BCL9: variants seen among roughly 807,000 people sequenced by gnomAD.
BCL9 encodes the protein B-cell CLL/lymphoma 9 protein.
BCL9 carries 25 observed loss-of-function variants against 88.5 expected under a neutral mutation model. The observed-to-expected ratio is 0.28, with a 90% CI of 0.21 to 0.39. The LOEUF is 0.39. Among genes scored for constraint, BCL9 ranks in the 10% least tolerant of loss-of-function variants. The pLI is 1.00. For missense variants in BCL9, 1,817 were observed against 1,877.8 expected, an observed-to-expected ratio of 0.97 and a Z score of 0.60; for synonymous variants, 711 against 673.3, an observed-to-expected ratio of 1.06 and a Z score of -0.87.
chr1:147,575,180 T>C (rs587758220), intron 1 of BCL9, among the ~76,000 whole-genome samples: 1 of 152,314 alleles, frequency 6.6e-6, no homozygotes, highest in African/African-American at 2.4e-5. Flanking sequence ...GTTTTACAAA[T>C]AAGGACCTGA....
rs1658435245 is a variant in BCL9 at position 147,618,834 on chromosome 1, C to G, written c.679C>G (p.Leu227Val). Residue 227 changes from leucine (L) to valine (V), a missense_variant, in exon 8 of 10, where the codon CTT becomes GTT. Leu to Val is a conservative substitution (Grantham distance 32). Coordinates refer to ENST00000234739, the MANE Select transcript of BCL9 (RefSeq NM_004326.4). The stretch of plus-strand genomic sequence containing the variant: ...TCTTCAGAACACACAGATATCTGCC[C>G]TTCGGAATGATCCGAAACCTCTCCC... ...TAPLNTQISA[L>V]RNDPKPLPQQ... The G allele has an allele frequency of 6.4e-7, 1 of 1,563,578 alleles. No individual in the cohort carries two copies. The highest frequency in any genetic ancestry group is 1.7e-4 in the Middle Eastern group (1 of 5,778).
chr1:147,568,547 T>A (rs1209782921), intron 1 of BCL9, among the ~76,000 whole-genome samples: 2 of 151,960 alleles, frequency 1.3e-5, no homozygotes, highest in South Asian at 2.1e-4. Context: ...TAATATTTTG[T>A]GATTTCTGTA....
intron 1 of BCL9, among the ~76,000 whole-genome samples, chr1:147,582,399 G>C (rs1293674180): frequency 6.6e-6 from 1 of 152,150 alleles, no homozygotes; most frequent in African/African-American, 2.4e-5. Context: ...CAAAGAGTAT[G>C]AACATTTAAT....
At chr1:147,546,521 T>A (rs1229533954) in intron 1 of BCL9, among the ~76,000 whole-genome samples, 2 of 152,124 alleles carry the variant, frequency 1.3e-5, no homozygotes, top group Non-Finnish European at 2.9e-5. Context: ...GGCCTAGAAA[T>A]CCCCATTCTA....
intron 8 of BCL9, 35 bp from the exon 9 acceptor site, chr1:147,622,236 C>T: frequency 6.2e-7 from 1 of 1,612,512 alleles, no homozygotes; most frequent in Non-Finnish European, 8.5e-7. Context: ...GAATCTAATT[C>T]CCTGCCCGTT....
At chr1:147,573,146 A>G (rs1288125382) in intron 1 of BCL9, among the ~76,000 whole-genome samples, 1 of 152,194 alleles carries the variant, frequency 6.6e-6, no homozygotes, top group Non-Finnish European at 1.5e-5. Context: ...ATAATTGATG[A>G]ATATTGTTAA....
intron 1 of BCL9, among the ~76,000 whole-genome samples, chr1:147,584,847 G>A (rs1656529910): frequency 6.6e-6 from 1 of 152,220 alleles, no homozygotes; most frequent in South Asian, 2.1e-4. Context: ...GCCGGCCCTT[G>A]CACATAGGTG....
chr1:147,596,328 G>T (rs1411846383), intron 1 of BCL9, among the ~76,000 whole-genome samples: 1 of 151,876 alleles, frequency 6.6e-6, no homozygotes, highest in Non-Finnish European at 1.5e-5. Flanking sequence ...AACCTAAAAA[G>T]AAATAATTTC....
At chr1:147,593,591 C>A in intron 1 of BCL9, among the ~76,000 whole-genome samples, 1 of 152,198 alleles carries the variant, frequency 6.6e-6, no homozygotes, top group East Asian at 1.9e-4. Flanking sequence ...ATCCCAACAT[C>A]AGGGGAGTTA....
intron 1 of BCL9, among the ~76,000 whole-genome samples, chr1:147,555,212 A>G (rs1357511829): frequency 6.6e-6 from 1 of 152,076 alleles, no homozygotes; most frequent in African/African-American, 2.4e-5. Flanking sequence ...AAAGAGTCAA[A>G]CTTATGCTAT....
chr1:147,622,311 G>T lies in BCL9; in HGVS notation c.2943G>T (p.Val981=). ...PPPTASQPAS[V]NIPGSLPSST... Reference sequence around the variant, plus strand: ...CTACAGCCAGCCAGCCTGCCTCTGTGAATATCCCTGGAAGTCTTCCCTCTA... The same window carrying T: ...CTACAGCCAGCCAGCCTGCCTCTGTTAATATCCCTGGAAGTCTTCCCTCTA... Residue 981 remains valine (V), a synonymous_variant, in exon 9 of 10, where the codon GTG becomes GTT. Coordinates refer to ENST00000234739, the MANE Select transcript of BCL9 (RefSeq NM_004326.4). 6.2e-7 allele frequency: 1 copy of T among 1,614,156 alleles called. No homozygotes were observed. Among genetic ancestry groups the T allele is most frequent in the South Asian group, 1.1e-5 (1 of 91,082 alleles).
chr1:147,609,094 G>A (rs1249650157), intron 3 of BCL9, among the ~76,000 whole-genome samples: 1 of 152,148 alleles, frequency 6.6e-6, no homozygotes, highest in Non-Finnish European at 1.5e-5. Context: ...AAGAAGAGAA[G>A]AGAAAAACAT....
At position 147,620,303 on chromosome 1, in the gene BCL9, G is replaced by A. The variant is rs1658549925; in HGVS notation, c.2148G>A (p.Met716Ile). 6.2e-7 allele frequency: 1 copy of A among 1,614,118 alleles called. No homozygotes were observed. Among genetic ancestry groups the A allele is most frequent in the Non-Finnish European group, 8.5e-7 (1 of 1,180,056 alleles). ...AGTTTGGGATGGTTCCTAGTGGGAT[G>A]AAGGGAGATGTCAATCTAAATGTCA... is the stretch of plus-strand genomic sequence containing the variant. ...ELEFGMVPSG[M>I]KGDVNLNVNM... The change falls in exon 8 of 10, where the codon ATG becomes ATA. Residue 716 changes from methionine to isoleucine, a missense_variant. Transcript: ENST00000234739.
intron 7 of BCL9, among the ~76,000 whole-genome samples, chr1:147,618,190 T>G (rs1294860192): frequency 6.6e-6 from 1 of 152,030 alleles, no homozygotes; most frequent in Non-Finnish European, 1.5e-5. Context: ...GTGGAATCAG[T>G]GATCACCAAC....
At position 147,624,902 on chromosome 1, in the gene BCL9, C is replaced by G. The variant is rs137949316; in HGVS notation, c.4224C>G (p.Asp1408Glu). The G allele has an allele frequency of 3.1e-6, 5 of 1,613,916 alleles. No individual in the cohort carries two copies. The highest frequency in any genetic ancestry group is 2.7e-5 in the African/African-American group (2 of 75,012). Residue 1408 changes from aspartate (D) to glutamate (E), a missense_variant, in exon 10 of 10, where the codon GAC (aspartate) becomes GAG (glutamate). Around this residue, in one of 2 missense-constraint regions of BCL9, gnomAD observed 589 missense variants for 686.2 expected, o/e 0.86. Coordinates refer to ENST00000234739, the MANE Select transcript of BCL9 (RefSeq NM_004326.4). This position sits in a 1 kb window ranked among gnomAD's most constrained non-coding sequence, Gnocchi z 4.4. The part of the protein sequence containing the change: ...PQMRPRGMAA[D>E]VGMGGFSQGP... ...TGAGGCCCCGGGGCATGGCTGCTGACGTGGGCATGGGTGGATTTAGCCAAG... is the reference window on the plus strand; with the variant it reads ...TGAGGCCCCGGGGCATGGCTGCTGAGGTGGGCATGGGTGGATTTAGCCAAG...
rs1557856936 is a variant in BCL9 at position 147,615,854 on chromosome 1, C to T, written c.612C>T (p.His204=). The part of the protein sequence containing the change: ...KGQVETIVSF[H]IQNISNNKTE... ...AGGTTGAAACTATCGTCTCTTTCCA[C>T]ATCCAGAACATTTCTAACAACAAGA... is the stretch of plus-strand genomic sequence containing the variant. Residue 204 remains histidine, a synonymous_variant, in exon 7 of 10, where the codon CAC becomes CAT. Transcript: ENST00000234739. The T allele has an allele frequency of 1.1e-5, 18 of 1,614,206 alleles. No individual in the cohort carries two copies. Among genetic ancestry groups the T allele is most frequent in the Non-Finnish European group, 1.5e-5 (18 of 1,180,032 alleles).
rs587634479 is a variant in BCL9, at chr1:147,602,326, C to T, written c.-477-2451C>T. Among the ~76,000 whole-genome samples, 10 of 152,108 alleles carry T rather than the reference C, an allele frequency of 6.6e-5. No homozygotes were observed. In the East Asian group the frequency reaches 1.7e-3, roughly 26 times the overall value. On this transcript the variant is annotated intron_variant, in intron 1 of 9. Coordinates refer to ENST00000234739, the MANE Select transcript of BCL9 (RefSeq NM_004326.4). Reference sequence around the variant, plus strand: ...ATCCCAGTTCAAGTAATTCTCCTGCCTTAGCCTCCACAGTAGCTGGGATTA... The same window carrying T: ...ATCCCAGTTCAAGTAATTCTCCTGCTTTAGCCTCCACAGTAGCTGGGATTA...
intron 6 of BCL9, 66 bp from the exon 7 acceptor site, chr1:147,615,737 C>A: frequency 1.5e-6 from 2 of 1,324,096 alleles, no homozygotes; most frequent in Non-Finnish European, 2.2e-6. Context: ...GGTTAAAGTG[C>A]TTTGGAATTA....
chr1:147,548,792 T>G (rs1654737295), intron 1 of BCL9, among the ~76,000 whole-genome samples: 1 of 151,828 alleles, frequency 6.6e-6, no homozygotes, highest in South Asian at 2.1e-4. Flanking sequence ...AGTGAGACCC[T>G]GTCTCAAAAA....
Sources: allele counts gnomAD v4.1 joint callset (sites outside exome capture counted in the v4.1 genomes callset), GRCh38; gene constraint gnomAD v4.1.1; regional missense constraint gnomAD v4.1.1; non-coding constraint Gnocchi (gnomAD v3.1); transcripts MANE v1.5; gene names NCBI Gene and HGNC (gene_info 2026-07-23, HGNC 2026-07-21).